The following TANGO6 variants were observed in gnomAD, a reference collection of about 807,000 sequenced individuals.
TANGO6 encodes transport and golgi organization 6 homolog, also known as transport and Golgi organization protein 6 homolog.
In TANGO6, 90 loss-of-function variants were observed where a neutral mutation model predicts 114.2. The ratio of observed to expected loss-of-function variants is 0.79; its 90% CI spans 0.66 to 0.94. The LOEUF (loss-of-function observed/expected upper bound fraction) is 0.94. TANGO6 is among the 40% of genes least tolerant of loss of function. The pLI, the probability that TANGO6 is intolerant of heterozygous loss-of-function variation, is 0.00. For missense variants in TANGO6, 1,274 were observed against 1,315.3 expected, an observed-to-expected ratio of 0.97 and a Z score of 0.49; for synonymous variants, 477 against 509.8, an observed-to-expected ratio of 0.94 and a Z score of 0.87.
intron 5 of TANGO6, among the ~76,000 whole-genome samples, chr16:68,877,315 A>G (rs1962380222): frequency 6.6e-6 from 1 of 151,892 alleles, no homozygotes; most frequent in Admixed American, 6.6e-5. Context: ...TAAAAATACA[A>G]AAATTAGCTG....
At chr16:68,983,355 C>CT (rs1209670390) in intron 15 of TANGO6, among the ~76,000 whole-genome samples, 1 of 152,072 alleles carries the variant, frequency 6.6e-6, no homozygotes, top group African/African-American at 2.4e-5. Context: ...GCTCAAAATT[C>CT]TTTATCTTGA....
chr16:68,874,534 C>G (rs1334817333), intron 4 of TANGO6, among the ~76,000 whole-genome samples: 1 of 152,128 alleles, frequency 6.6e-6, no homozygotes, highest in Non-Finnish European at 1.5e-5. Flanking sequence ...ATGATACATA[C>G]AAGGAGACAG....
intron 1 of TANGO6, among the ~76,000 whole-genome samples, chr16:68,854,335 A>G (rs1305654612): frequency 1.3e-5 from 2 of 152,114 alleles, no homozygotes; most frequent in Non-Finnish European, 2.9e-5. Flanking sequence ...AATCCTAGCT[A>G]CTAGGGAGCT....
At chr16:68,862,488 C>T (rs182734816) in intron 2 of TANGO6, among the ~76,000 whole-genome samples, 107 of 152,254 alleles carry the variant, frequency 7.0e-4, no homozygotes, top group Middle Eastern at 6.8e-3. Context: ...TGAGCCACCA[C>T]GCCTGGCAGG....
chr16:69,016,126 G>A (rs1052757352), intron 15 of TANGO6, among the ~76,000 whole-genome samples: 15 of 151,970 alleles, frequency 9.9e-5, no homozygotes, highest in Non-Finnish European at 1.8e-4. Context: ...TTTCTTCCCC[G>A]CTAGAAGTAG....
chr16:69,062,534 G>A (rs1411239088), intron 17 of TANGO6, among the ~76,000 whole-genome samples: 8 of 151,888 alleles, frequency 5.3e-5, no homozygotes, highest in South Asian at 2.1e-4. Flanking sequence ...GTGCAGTGGC[G>A]TGATCTCGGC....
chr16:69,077,754 A>G (rs1960402306), intron 17 of TANGO6, among the ~76,000 whole-genome samples: 1 of 152,120 alleles, frequency 6.6e-6, no homozygotes, highest in Non-Finnish European at 1.5e-5. Context: ...GCTTGAACCC[A>G]GGAGGCGGAG....
intron 17 of TANGO6, among the ~76,000 whole-genome samples, chr16:69,072,508 C>T (rs1461081304): frequency 2.6e-5 from 4 of 152,138 alleles, no homozygotes; most frequent in African/African-American, 4.8e-5. Context: ...CCTTTGAACT[C>T]TCCTTGTATT....
chr16:68,937,920 G>GT (rs758283205), intron 14 of TANGO6, among the ~76,000 whole-genome samples: 2 of 152,278 alleles, frequency 1.3e-5, no homozygotes, highest in African/African-American at 2.4e-5. Flanking sequence ...TTGTGTGAAC[G>GT]TATGTTTTCA....
At chr16:68,843,784 C>A in intron 1 of TANGO6, 73 bp downstream of exon 1, 1 of 1,481,904 alleles carries the variant, frequency 6.7e-7, no homozygotes, top group Non-Finnish European at 9.4e-7. Context: ...GGCTGCCCTG[C>A]CTTCCGCAGC....
At chr16:69,029,466 A>T (rs118092851) in intron 16 of TANGO6, among the ~76,000 whole-genome samples, 7,465 of 152,272 alleles carry the variant, frequency 0.049, 221 homozygotes, top group Non-Finnish European at 0.071. Flanking sequence ...GACACCTAAG[A>T]CATATCACTC....
chr16:69,038,794 G>T (rs1041925619), intron 16 of TANGO6, among the ~76,000 whole-genome samples: 1 of 152,112 alleles, frequency 6.6e-6, no homozygotes, highest in African/African-American at 2.4e-5. Context: ...TGTAATCCCA[G>T]CACTTTGGGA....
Position 69,061,851 on chromosome 16 carries a change from C to G in TANGO6, c.3108+21430C>G, listed in dbSNP as rs1960123355. ...TGGCTAAGACGGTGAAACCCCATCT[C>G]TACTAAAAATACAAAAAATTAGCCG... On this transcript the variant is annotated intron_variant, in intron 17 of 17. Coordinates refer to ENST00000261778, the MANE Select transcript of TANGO6 (RefSeq NM_024562.2). Among the ~76,000 whole-genome samples the G allele has an allele frequency of 3.9e-5, 6 of 152,076 alleles. No homozygotes were observed. In the South Asian group the frequency reaches 1.2e-3, roughly 31 times the overall value.
At chr16:68,985,482 G>A (rs1963880665) in intron 15 of TANGO6, among the ~76,000 whole-genome samples, 1 of 152,170 alleles carries the variant, frequency 6.6e-6, no homozygotes, top group Non-Finnish European at 1.5e-5. Flanking sequence ...GGCTGAGGCA[G>A]GCAGGTCACT....
intron 17 of TANGO6, among the ~76,000 whole-genome samples, chr16:69,068,834 C>A (rs1208185746): frequency 6.6e-6 from 1 of 152,190 alleles, no homozygotes. Context: ...CTGCCTCAGC[C>A]TCCCGTGTAG....
chr16:69,073,539 T>G (rs554187942), intron 17 of TANGO6, among the ~76,000 whole-genome samples: 1 of 152,228 alleles, frequency 6.6e-6, no homozygotes, highest in Non-Finnish European at 1.5e-5. Context: ...TAGTACTGAT[T>G]ATTGAATGAG....
chr16:68,909,707 A>T lies in TANGO6; in HGVS notation c.1992+305A>T, dbSNP rs577586046. The T allele has an allele frequency of 4.2e-5, 8 of 188,654 alleles. No homozygotes were observed. The East Asian group carries it at 9.0e-4, about 21-fold the overall frequency. The allele number at this position is 188,654 out of a possible 1,614,324, so 11.7% of individuals were successfully genotyped here. ...TTGGGTGCAAAACAAGTTATCTGGG[A>T]TCTTTTTCAATATATTGATAGCCAG... On this transcript the variant is annotated intron_variant, in intron 11 of 17. Transcript: ENST00000261778.
intron 9 of TANGO6, 82 bp downstream of exon 9, chr16:68,902,586 G>A (rs536214809): frequency 4.1e-4 from 538 of 1,299,840 alleles, no homozygotes; most frequent in Non-Finnish European, 5.2e-4. Flanking sequence ...ACTAAGGGGC[G>A]CTGATAGAAA....
chr16:68,974,204 G>A (rs556628105), intron 15 of TANGO6, 36 bp downstream of exon 15: 2 of 1,613,398 alleles, frequency 1.2e-6, no homozygotes, highest in East Asian at 2.2e-5. Context: ...GGAAAAGGGT[G>A]GAGGATCAGT....
Sources: gnomAD v4.1 joint callset for allele counts (sites outside exome capture counted in the v4.1 genomes callset) on GRCh38, gnomAD v4.1.1 for gene constraint, MANE v1.5 for transcripts, NCBI Gene and HGNC (gene_info 2026-07-23, HGNC 2026-07-21) for gene names.